CCDC6: variants seen among roughly 807,000 people sequenced by gnomAD.
The protein encoded by CCDC6 is coiled-coil domain containing 6, also known as coiled-coil domain-containing protein 6.
Under a neutral mutation model 56.6 loss-of-function variants are expected in CCDC6, and 20 were observed. The observed-to-expected ratio is 0.35, with a 90% confidence interval of 0.25 to 0.51. CCDC6 has a LOEUF of 0.51. Ranked by LOEUF, CCDC6 falls within the 20% of genes least tolerant of loss-of-function variation. The probability of loss-of-function intolerance (pLI) is 0.95; values close to 1 mark genes in which losing one functional copy is unlikely to be tolerated. For synonymous variants in CCDC6, 241 were observed against 234.4 expected (o/e 1.03, Z -0.26); for missense variants, 367 against 601.1 (o/e 0.61, Z 4.07).
At chr10:59,883,170 A>T (rs557892224) in intron 1 of CCDC6, among the ~76,000 whole-genome samples, 1 of 152,144 alleles carries the variant, frequency 6.6e-6, no homozygotes, top group Non-Finnish European at 1.5e-5. Flanking sequence ...TGTTCCATCA[A>T]TGGACTCTGA....
At chr10:59,834,483 T>A (rs936209395) in intron 2 of CCDC6, among the ~76,000 whole-genome samples, 9 of 150,990 alleles carry the variant, frequency 6.0e-5, no homozygotes, top group African/African-American at 2.2e-4. Context: ...GAGGCAGGGG[T>A]TGCAGGGAGG....
At chr10:59,864,568 G>A (rs1479117576) in intron 1 of CCDC6, among the ~76,000 whole-genome samples, 1 of 152,094 alleles carries the variant, frequency 6.6e-6, no homozygotes, top group Non-Finnish European at 1.5e-5. Flanking sequence ...AGTATTTTCT[G>A]CCAGAACAAG....
intron 2 of CCDC6, among the ~76,000 whole-genome samples, chr10:59,835,023 A>G (rs12248412): frequency 0.021 from 3,172 of 152,320 alleles, 111 homozygotes; most frequent in African/African-American, 0.071. Context: ...CCTTGCTCTA[A>G]AAATAGTTAT....
chr10:59,882,709 C>A (rs1004206390), intron 1 of CCDC6, among the ~76,000 whole-genome samples: 8 of 149,366 alleles, frequency 5.4e-5, no homozygotes, highest in African/African-American at 2.0e-4. Context: ...GCCTGTAATC[C>A]CAACAGTTTG....
Position 59,796,280 on chromosome 10 carries a change from G to A in CCDC6, c.1106-1683C>T, listed in dbSNP as rs534516361. Among the ~76,000 whole-genome samples, 15 of 143,832 alleles carry A rather than the reference G, an allele frequency of 1.0e-4. No homozygotes were observed. In the South Asian group the frequency reaches 3.4e-3, roughly 33 times the overall value. 94.4% of individuals were successfully genotyped at this position (143,832 alleles called of 152,430 possible). A position where few individuals can be genotyped will look rare whatever the true frequency, so the allele number is the denominator to read the frequency against. ...TTTGGCTGCATAAATGTCTTCTTTTGAGAAGTGTCTGTTCATGTCCTTCGC... is the reference window on the plus strand; with the variant it reads ...TTTGGCTGCATAAATGTCTTCTTTTAAGAAGTGTCTGTTCATGTCCTTCGC... On this transcript the variant is annotated intron_variant, in intron 7 of 8. Coordinates refer to ENST00000263102, the MANE Select transcript of CCDC6 (RefSeq NM_005436.5).
chr10:59,825,427 T>C (rs753784590), intron 3 of CCDC6, among the ~76,000 whole-genome samples: 2 of 152,228 alleles, frequency 1.3e-5, no homozygotes, highest in African/African-American at 2.4e-5. Flanking sequence ...TCCAAGGAAC[T>C]AATCCAATTA....
At chr10:59,862,814 A>C (rs1346403778) in intron 1 of CCDC6, among the ~76,000 whole-genome samples, 3 of 152,124 alleles carry the variant, frequency 2.0e-5, no homozygotes, top group Admixed American at 6.5e-5. Context: ...GGCAGTGTAC[A>C]TTGGTACAAA....
At chr10:59,903,924 T>C (rs1337705477) in intron 1 of CCDC6, among the ~76,000 whole-genome samples, 1 of 152,224 alleles carries the variant, frequency 6.6e-6, no homozygotes, top group Non-Finnish European at 1.5e-5. Flanking sequence ...AGAATCTGGA[T>C]CCTAGGTCAG....
chr10:59,802,670 A>G (rs1450179686), intron 7 of CCDC6, among the ~76,000 whole-genome samples: 1 of 152,244 alleles, frequency 6.6e-6, no homozygotes, highest in Non-Finnish European at 1.5e-5. Context: ...TAGCTTATCT[A>G]TCCAAGCAAG....
At chr10:59,831,177 T>G (rs1391478214) in intron 3 of CCDC6, among the ~76,000 whole-genome samples, 1 of 152,166 alleles carries the variant, frequency 6.6e-6, no homozygotes, top group Non-Finnish European at 1.5e-5. Flanking sequence ...CTGGTTAACT[T>G]AGACACTGAA....
intron 2 of CCDC6, among the ~76,000 whole-genome samples, chr10:59,836,185 A>G (rs1336143157): frequency 6.6e-6 from 1 of 152,164 alleles, no homozygotes; most frequent in Non-Finnish European, 1.5e-5. Flanking sequence ...TTGAAGGACT[A>G]ATAACTACAG....
At chr10:59,886,753 T>C (rs915482217) in intron 1 of CCDC6, among the ~76,000 whole-genome samples, 4 of 152,106 alleles carry the variant, frequency 2.6e-5, no homozygotes, top group African/African-American at 9.7e-5. Context: ...CAAGAGCAAG[T>C]CATTGTAACA....
chr10:59,891,619 C>G (rs1249093309), intron 1 of CCDC6, among the ~76,000 whole-genome samples: 1 of 152,132 alleles, frequency 6.6e-6, no homozygotes, highest in Non-Finnish European at 1.5e-5. Context: ...ATCTTCCTTA[C>G]CTGAAAAAGA....
rs1011075041 is a variant in CCDC6, at chr10:59,790,743, A to C, written c.*2174T>G. On this transcript the variant is annotated 3_prime_UTR_variant, in exon 9 of 9. Coordinates refer to ENST00000263102, the MANE Select transcript of CCDC6 (RefSeq NM_005436.5). The stretch of plus-strand genomic sequence containing the variant: ...TTCTGCAGATGTCTGAATATCAAGA[A>C]CCTATCTCTAAAAGGCATTTATCAG... 1.8e-5 allele frequency: 4 copies of C among 217,048 alleles called. No individual in the cohort carries two copies. Among genetic ancestry groups the C allele is most frequent in the Non-Finnish European group, 3.7e-5 (4 of 107,724 alleles). 13.4% of individuals were successfully genotyped at this position (217,048 alleles called of 1,614,324 possible). A position where few individuals can be genotyped will look rare whatever the true frequency, so the allele number is the denominator to read the frequency against.
chr10:59,875,615 C>T (rs2071271961), intron 1 of CCDC6, among the ~76,000 whole-genome samples: 1 of 152,176 alleles, frequency 6.6e-6, no homozygotes, highest in Non-Finnish European at 1.5e-5. Context: ...AGTTGTACCT[C>T]CTAAGGAACC....
intron 1 of CCDC6, among the ~76,000 whole-genome samples, chr10:59,868,384 C>A (rs1003111003): frequency 1.3e-5 from 2 of 152,138 alleles, no homozygotes; most frequent in Non-Finnish European, 2.9e-5. Context: ...ATTTTCCTGC[C>A]CAGCCCACCA....
chr10:59,874,323 A>C (rs2071259757), intron 1 of CCDC6, among the ~76,000 whole-genome samples: 1 of 152,172 alleles, frequency 6.6e-6, no homozygotes, highest in Non-Finnish European at 1.5e-5. Context: ...TCCAACCAAG[A>C]CTAGAGTTTC....
chr10:59,825,977 G>T (rs1237338472), intron 3 of CCDC6, among the ~76,000 whole-genome samples: 2 of 152,096 alleles, frequency 1.3e-5, no homozygotes, highest in Admixed American at 6.6e-5. Context: ...ATGATGAGGG[G>T]CACTGAGATG....
At chr10:59,841,904 T>C (rs2070943376) in intron 2 of CCDC6, among the ~76,000 whole-genome samples, 1 of 152,074 alleles carries the variant, frequency 6.6e-6, no homozygotes, top group East Asian at 1.9e-4. Flanking sequence ...CCTGACCTCA[T>C]GATCCGCCAG....
Sources: allele counts gnomAD v4.1 joint callset (sites outside exome capture counted in the v4.1 genomes callset), GRCh38; gene constraint gnomAD v4.1.1; transcripts MANE v1.5; gene names NCBI Gene and HGNC (gene_info 2026-07-23, HGNC 2026-07-21).